EEF2: variants seen among roughly 807,000 people sequenced by gnomAD.
EEF2 encodes the protein eukaryotic translation elongation factor 2, also known as elongation factor 2.
In EEF2, 21 loss-of-function variants were observed where a neutral mutation model predicts 85.3. The ratio of observed to expected loss-of-function variants is 0.25; its 90% CI spans 0.17 to 0.35. The LOEUF (loss-of-function observed/expected upper bound fraction) is 0.35. Among genes scored for constraint, EEF2 ranks in the 10% least tolerant of loss-of-function variants. The probability of loss-of-function intolerance (pLI) is 1.00; values close to 1 mark genes in which losing one functional copy is unlikely to be tolerated. For missense variants in EEF2, 825 were observed against 1,225.3 expected, an observed-to-expected ratio of 0.67 and a Z score of 4.88; for synonymous variants, 723 against 508.8, an observed-to-expected ratio of 1.42 and a Z score of -5.67.
Position 3,977,087 on chromosome 19 carries a change from A to G in EEF2, c.2383+128T>C, listed in dbSNP as rs1599189940. The stretch of plus-strand genomic sequence containing the variant: ...GGGTCCACAAGCTGTCAGAAACTGG[A>G]CCACCTGCTCCATCCATCACCTGCT... On this transcript the variant is annotated intron_variant, in intron 14 of 14. Coordinates refer to ENST00000309311, the MANE Select transcript of EEF2 (RefSeq NM_001961.4). This position sits in a 1 kb window ranked among gnomAD's most constrained non-coding sequence, Gnocchi z 5.4. 7.3e-7 allele frequency: 1 copy of G among 1,373,602 alleles called. No individual in the cohort carries two copies. Among genetic ancestry groups the G allele is most frequent in the Non-Finnish European group, 9.8e-7 (1 of 1,022,278 alleles). The allele number at this position is 1,373,602 out of a possible 1,614,324, so 85.1% of individuals were successfully genotyped here.
At chr19:3,976,795 G>C (rs770313211) in intron 14 of EEF2, 48 bp from the exon 15 acceptor site, 1 of 1,474,232 alleles carries the variant, frequency 6.8e-7, no homozygotes, top group Non-Finnish European at 8.9e-7. Flanking sequence ...AAGGTGGCAG[G>C]GCAGAAGGAA....
At chr19:3,978,469 T>C (rs1445830085) in intron 11 of EEF2, among the ~76,000 whole-genome samples, 1 of 151,962 alleles carries the variant, frequency 6.6e-6, no homozygotes, top group Non-Finnish European at 1.5e-5. Flanking sequence ...CTCCAGAGCA[T>C]TTGTGTTGTT....
intron 6 of EEF2, 59 bp from the exon 7 acceptor site, chr19:3,981,511 C>A: frequency 2.0e-6 from 3 of 1,495,582 alleles, no homozygotes; most frequent in Non-Finnish European, 2.8e-6. Context: ...GGAAGCCTGG[C>A]ACTGCTTCCT....
In EEF2 at chr19:3,976,377, T is replaced by C; in HGVS notation, c.*177A>G. 1.8e-6 allele frequency: 1 copy of C among 554,832 alleles called. No individual in the cohort carries two copies. Among genetic ancestry groups the C allele is most frequent in the South Asian group, 2.0e-5 (1 of 50,478 alleles). The allele number at this position is 554,832 out of a possible 1,614,324, so 34.4% of individuals were successfully genotyped here. A position where few individuals can be genotyped will look rare whatever the true frequency, so the allele number is the denominator to read the frequency against. On this transcript the variant is annotated 3_prime_UTR_variant, in exon 15 of 15. Coordinates refer to ENST00000309311, the MANE Select transcript of EEF2 (RefSeq NM_001961.4). ...TGCCTCCGGACTCTGGAAATAAATATTGAAAGAAACGGCATCAAGTGTTAT... is the reference window on the plus strand; with the variant it reads ...TGCCTCCGGACTCTGGAAATAAATACTGAAAGAAACGGCATCAAGTGTTAT...
In EEF2 at chr19:3,978,180, A is replaced by G; in HGVS notation, c.1714-8T>C. 1 of 1,442,076 alleles carries G rather than the reference A, an allele frequency of 6.9e-7. No homozygotes were observed. Among genetic ancestry groups the G allele is most frequent in the Non-Finnish European group, 9.2e-7 (1 of 1,092,200 alleles). 89.3% of individuals were successfully genotyped at this position (1,442,076 alleles called of 1,614,324 possible). A position where few individuals can be genotyped will look rare whatever the true frequency, so the allele number is the denominator to read the frequency against. ...GACGACCGGGTCAGATTTCTGCAAAAAGAGGTTAAGTCCCACTCTTGCCTG... is the reference window on the plus strand; with the variant it reads ...GACGACCGGGTCAGATTTCTGCAAAGAGAGGTTAAGTCCCACTCTTGCCTG... On this transcript the variant is annotated splice_polypyrimidine_tract_variant and splice_region_variant and intron_variant, in intron 11 of 14. Transcript: ENST00000309311.
chr19:3,985,217 C>G lies in EEF2; in HGVS notation c.3+161G>C, dbSNP rs1599200078. 2.1e-5 allele frequency: 16 copies of G among 748,190 alleles called. No homozygotes were observed. In the East Asian group the frequency reaches 5.1e-4, roughly 24 times the overall value. The allele number at this position is 748,190 out of a possible 1,614,324, so 46.3% of individuals were successfully genotyped here. A position where few individuals can be genotyped will look rare whatever the true frequency, so the allele number is the denominator to read the frequency against. The stretch of plus-strand genomic sequence containing the variant: ...AGGGCTCGGTGAACAGCGCGGCGCA[C>G]AGACATGGCGGCGGCCGCTTCCCCA... On this transcript the variant is annotated intron_variant, in intron 1 of 14. Coordinates refer to ENST00000309311, the MANE Select transcript of EEF2 (RefSeq NM_001961.4).
In EEF2 at chr19:3,980,970, G is replaced by A. The variant is rs865999686; in HGVS notation, c.1021C>T (p.Arg341Cys). 3.2e-6 allele frequency: 5 copies of A among 1,572,820 alleles called. No homozygotes were observed. Among genetic ancestry groups the A allele is most frequent in the South Asian group, 1.2e-5 (1 of 86,112 alleles). ...GCGTCTCCGGCAGGCAGCCAGCGGC[G>A]CATCACAGCCTGCGGGGGCAGAGAG... is the stretch of plus-strand genomic sequence containing the variant. The part of the protein sequence containing the change: ...EGKPLLKAVM[R>C]RWLPAGDALL... The change falls in exon 8 of 15, where the codon CGC (arginine) becomes TGC (cysteine). Residue 341 changes from arginine to cysteine, a missense_variant. By Grantham distance (180) the Arg-to-Cys change is radical (BLOSUM62 -3). Coordinates refer to ENST00000309311, the MANE Select transcript of EEF2 (RefSeq NM_001961.4).
At chr19:3,978,910 A>T (rs2039710177) in intron 11 of EEF2, among the ~76,000 whole-genome samples, 1 of 151,346 alleles carries the variant, frequency 6.6e-6, no homozygotes, top group Non-Finnish European at 1.5e-5. Flanking sequence ...TCACGAGGTC[A>T]GGAGATCGAG....
Position 3,976,363 on chromosome 19 carries a change from T to A in EEF2, c.*191A>T, listed in dbSNP as rs998124910. Reference sequence around the variant, plus strand: ...GAGGGCGTGTCTGCTGCCTCCGGACTCTGGAAATAAATATTGAAAGAAACG... The same window carrying A: ...GAGGGCGTGTCTGCTGCCTCCGGACACTGGAAATAAATATTGAAAGAAACG... On this transcript the variant is annotated 3_prime_UTR_variant, in exon 15 of 15. Transcript: ENST00000309311. 9 of 451,546 alleles carry A rather than the reference T, an allele frequency of 2.0e-5. No homozygotes were observed. Among genetic ancestry groups the A allele is most frequent in the African/African-American group, 1.5e-4 (7 of 46,328 alleles). The allele number at this position is 451,546 out of a possible 1,614,324, so 28.0% of individuals were successfully genotyped here. A position where few individuals can be genotyped will look rare whatever the true frequency, so the allele number is the denominator to read the frequency against.
Position 3,979,912 on chromosome 19 carries a change from C to T in EEF2, c.1501G>A (p.Val501Ile), listed in dbSNP as rs1346998753. The change falls in exon 10 of 15, where the codon GTC (valine) becomes ATC (isoleucine). Residue 501 changes from valine to isoleucine, a missense_variant. By Grantham distance (29) the Val-to-Ile change is conservative (BLOSUM62 3). Transcript: ENST00000309311. ...ACGGCCACTCTGACAACAGGGCTGA[C>T]GCTGAACTTCATCACCCGCATGTTG... ...AHNMRVMKFSVSPVVRVAVEA... is the reference protein window; with the variant it reads ...AHNMRVMKFSISPVVRVAVEA... 6.2e-7 allele frequency: 1 copy of T among 1,613,764 alleles called. No homozygotes were observed. The highest frequency in any genetic ancestry group is 8.5e-7 in the Non-Finnish European group (1 of 1,180,054).
At position 3,982,233 on chromosome 19, in the gene EEF2, C is replaced by T; in HGVS notation, c.791+13G>A. ...GGTGTCAGGAATCCCCCACCATATC[C>T]CGCGGGGCTCACCTGTCACCCCACA... On this transcript the variant is annotated intron_variant, in intron 5 of 14. Coordinates refer to ENST00000309311, the MANE Select transcript of EEF2 (RefSeq NM_001961.4). The T allele has an allele frequency of 6.2e-7, 1 of 1,613,468 alleles. No homozygotes were observed. Among genetic ancestry groups the T allele is most frequent in the Non-Finnish European group, 8.5e-7 (1 of 1,179,516 alleles).
Position 3,983,264 on chromosome 19 carries a change from C to A in EEF2, c.246G>T (p.Ser82=), listed in dbSNP as rs746012587. 6.2e-7 allele frequency: 1 copy of A among 1,613,618 alleles called. No individual in the cohort carries two copies. The highest frequency in any genetic ancestry group is 2.2e-5 in the East Asian group (1 of 44,852). The change falls in exon 3 of 15, where the codon TCG becomes TCT. Residue 82 remains serine, a synonymous_variant. Coordinates refer to ENST00000309311, the MANE Select transcript of EEF2 (RefSeq NM_001961.4). ...GCTTGATGAAGTTCAAGTCATTCTC[C>A]GAGAGCTCGTAGAAGAGGGAGATGG... is the stretch of plus-strand genomic sequence containing the variant. ...STAISLFYEL[S]ENDLNFIKQS... is the part of the protein sequence containing the mutation.
intron 6 of EEF2, among the ~76,000 whole-genome samples, 196 bp downstream of exon 6, chr19:3,981,751 C>G (rs571773825): frequency 1.6e-4 from 25 of 152,370 alleles, no homozygotes; most frequent in Middle Eastern, 6.8e-3. Context: ...GGAGAGGTCC[C>G]AAGGCTCTGG....
chr19:3,977,988 C>T lies in EEF2; in HGVS notation c.1898G>A (p.Arg633His). 2.5e-6 allele frequency: 4 copies of T among 1,612,614 alleles called. No individual in the cohort carries two copies. The highest frequency in any genetic ancestry group is 3.4e-6 in the Non-Finnish European group (4 of 1,179,448). ...SARQELKQRARYLAEKYEWDV... is the reference protein window; with the variant it reads ...SARQELKQRAHYLAEKYEWDV... The stretch of plus-strand genomic sequence containing the variant: ...CCACTCGTACTTCTCGGCCAGGTAG[C>T]GCGCCCGCTGCTTGAGCTCCTGACG... Residue 633 changes from arginine to histidine, a missense_variant, in exon 12 of 15, where the codon CGC (arginine) becomes CAC (histidine). By Grantham distance (29) the Arg-to-His change is conservative. Coordinates refer to ENST00000309311, the MANE Select transcript of EEF2 (RefSeq NM_001961.4). The surrounding 1 kb of genome is among the most constrained non-coding windows in gnomAD (Gnocchi z 5.4).
chr19:3,979,283 G>A (rs770426524), intron 11 of EEF2, 46 bp downstream of exon 11: 5 of 1,492,052 alleles, frequency 3.4e-6, no homozygotes, highest in Admixed American at 1.7e-5. Flanking sequence ...GCAGAGGGCA[G>A]GTGTCCGGGG....
Position 3,984,215 on chromosome 19 carries a change from C to T in EEF2, c.139G>A (p.Ala47Thr), listed in dbSNP as rs147888450. ...DSLVCKAGIIASARAGETRFT... is the reference protein window; with the variant it reads ...DSLVCKAGIITSARAGETRFT... ...CGTGTCTCCCCGGCCCGGGCCGAGG[C>T]GATGATGCCCGCCTTGCACACCAGG... The change falls in exon 2 of 15, where the codon GCC (alanine) becomes ACC (threonine). Residue 47 changes from alanine to threonine, a missense_variant. Coordinates refer to ENST00000309311, the MANE Select transcript of EEF2 (RefSeq NM_001961.4). The T allele has an allele frequency of 6.2e-7, 1 of 1,614,102 alleles. No individual in the cohort carries two copies. Among genetic ancestry groups the T allele is most frequent in the Non-Finnish European group, 8.5e-7 (1 of 1,180,022 alleles).
rs907002232 is a variant in EEF2, at chr19:3,976,188, G to C, written c.*366C>G. ...TTCCTTTCCCCTTTCTGGGGCAAAA[G>C]CCACTGCGGGCCATGTACCCAAATA... is the stretch of plus-strand genomic sequence containing the variant. On this transcript the variant is annotated 3_prime_UTR_variant, in exon 15 of 15. Coordinates refer to ENST00000309311, the MANE Select transcript of EEF2 (RefSeq NM_001961.4). 1 of 249,114 alleles carries C rather than the reference G, an allele frequency of 4.0e-6. No individual in the cohort carries two copies. Among genetic ancestry groups the C allele is most frequent in the Admixed American group, 5.1e-5 (1 of 19,500 alleles). The allele number at this position is 249,114 out of a possible 1,614,324, so 15.4% of individuals were successfully genotyped here. A position where few individuals can be genotyped will look rare whatever the true frequency, so the allele number is the denominator to read the frequency against.
rs375020531 is a variant in EEF2, at chr19:3,981,849, G to A, written c.897+98C>T. The A allele has an allele frequency of 4.3e-5, 48 of 1,106,484 alleles. No homozygotes were observed. In the African/African-American group the frequency reaches 6.3e-4, roughly 14 times the overall value. The allele number at this position is 1,106,484 out of a possible 1,614,324, so 68.5% of individuals were successfully genotyped here. A position where few individuals can be genotyped will look rare whatever the true frequency, so the allele number is the denominator to read the frequency against. On this transcript the variant is annotated intron_variant, in intron 6 of 14. Transcript: ENST00000309311. ...TCCCATCTCGCATCTGCCCCACAAG[G>A]AGACGGGCCCAGTCAGCCGACAGGC... is the stretch of plus-strand genomic sequence containing the variant.
Position 3,977,695 on chromosome 19 carries a change from C to G in EEF2, c.2068-85G>C. ...CCTGCCAAGTCCTGCAGGTCTCCAC[C>G]AGGGGGACCTGGGGCCTTGCCCGCC... On this transcript the variant is annotated intron_variant, in intron 12 of 14. Transcript: ENST00000309311. This position sits in a 1 kb window ranked among gnomAD's most constrained non-coding sequence, Gnocchi z 5.4. 1.4e-6 allele frequency: 2 copies of G among 1,475,398 alleles called. No homozygotes were observed. The highest frequency in any genetic ancestry group is 1.8e-6 in the Non-Finnish European group (2 of 1,116,618). 91.4% of individuals were successfully genotyped at this position (1,475,398 alleles called of 1,614,324 possible).
Sources: allele counts gnomAD v4.1 joint callset (sites outside exome capture counted in the v4.1 genomes callset), GRCh38; gene constraint gnomAD v4.1.1; non-coding constraint Gnocchi (gnomAD v3.1); transcripts MANE v1.5; gene names NCBI Gene and HGNC (gene_info 2026-07-23, HGNC 2026-07-21).